DGKG: variants seen among roughly 807,000 people sequenced by gnomAD.
DGKG encodes diacylglycerol kinase gamma, also known as DAG kinase gamma.
Under a neutral mutation model 105.3 loss-of-function variants are expected in DGKG, and 78 were observed. The ratio of observed to expected loss-of-function variants is 0.74; its 90% CI spans 0.62 to 0.89. The LOEUF (loss-of-function observed/expected upper bound fraction) is 0.89, where lower values mean the gene tolerates loss of function less well. DGKG is among the 40% of genes least tolerant of loss of function. The pLI is 0.00. For synonymous variants in DGKG, 346 were observed against 367.1 expected (o/e 0.94, Z 0.66); for missense variants, 958 against 1,020.1 (o/e 0.94, Z 0.83).
intron 22 of DGKG, among the ~76,000 whole-genome samples, chr3:186,175,587 G>A (rs1263383674): frequency 6.6e-6 from 1 of 152,150 alleles, no homozygotes; most frequent in East Asian, 1.9e-4. Context: ...ACAGGAGCCT[G>A]CCTCTAAGAG....
intron 24 of DGKG, among the ~76,000 whole-genome samples, chr3:186,157,593 A>G (rs571349918): frequency 1.3e-5 from 2 of 152,336 alleles, no homozygotes; most frequent in East Asian, 3.9e-4. Flanking sequence ...AAGATCATTT[A>G]GTATGTAATT....
chr3:186,304,166 T>C (rs1724112823), intron 3 of DGKG, among the ~76,000 whole-genome samples: 1 of 152,134 alleles, frequency 6.6e-6, no homozygotes, highest in Non-Finnish European at 1.5e-5. Context: ...ACCAAACTGT[T>C]CCTCTCCCAC....
In DGKG at chr3:186,265,258, G is replaced by T. The variant is rs149256778; in HGVS notation, c.1258C>A (p.Leu420Ile). The T allele has an allele frequency of 2.4e-4, 395 of 1,614,110 alleles. No individual in the cohort carries two copies. The highest frequency in any genetic ancestry group is 3.2e-4 in the Non-Finnish European group (374 of 1,180,038). The change falls in exon 14 of 25, where the codon CTT becomes ATT. Residue 420 changes from leucine to isoleucine, a missense_variant. Leu to Ile is a conservative substitution (Grantham distance 5, BLOSUM62 2). Around this residue, in one of 2 missense-constraint regions of DGKG, gnomAD observed 643 missense variants for 619.5 expected, o/e 1.04. Coordinates refer to ENST00000265022, the MANE Select transcript of DGKG (RefSeq NM_001346.3). The part of the protein sequence containing the change: ...SDGCVSAKGE[L>I]VMQYKIIPTP... ...AGCTCATGAGGTACCTGCATGACAA[G>T]TTCGCCCTTGGCGGACACGCAGCCA...
At chr3:186,158,168 T>A in intron 24 of DGKG, 1 of 709,134 alleles carries the variant, frequency 1.4e-6, no homozygotes, top group South Asian at 6.4e-5. Context: ...CTGTTTTTAG[T>A]TATTTTCTTC....
intron 20 of DGKG, among the ~76,000 whole-genome samples, chr3:186,235,375 C>G (rs758921718): frequency 2.1e-4 from 32 of 152,210 alleles, no homozygotes; most frequent in Non-Finnish European, 4.1e-4. Context: ...CTCTGGCTAC[C>G]TACAGCAGGT....
intron 1 of DGKG, among the ~76,000 whole-genome samples, chr3:186,331,070 C>A (rs1161852141): frequency 6.6e-6 from 1 of 152,202 alleles, no homozygotes; most frequent in African/African-American, 2.4e-5. Context: ...GCTAAAAATA[C>A]CTTCGATGCA....
Position 186,357,088 on chromosome 3 carries a change from T to C in DGKG, c.-249+4858A>G, listed in dbSNP as rs560335244. On this transcript the variant is annotated intron_variant, in intron 1 of 24. Transcript: ENST00000265022. ...GGTGTTGTGTGGGGAGTTGGAGCAG[T>C]TGGGGGAGCTGGAACAGATGATCTT... Among the ~76,000 whole-genome samples the C allele has an allele frequency of 1.1e-4, 17 of 152,188 alleles. No homozygotes were observed. The South Asian group carries it at 2.9e-3, about 26-fold the overall frequency.
At chr3:186,307,796 A>G (rs1032219446) in intron 2 of DGKG, among the ~76,000 whole-genome samples, 1 of 152,080 alleles carries the variant, frequency 6.6e-6, no homozygotes, top group Non-Finnish European at 1.5e-5. Context: ...TAAACCCCAT[A>G]AGGCTCTGTC....
At chr3:186,251,214 A>T (rs1721209616) in intron 19 of DGKG, among the ~76,000 whole-genome samples, 1 of 152,206 alleles carries the variant, frequency 6.6e-6, no homozygotes. Flanking sequence ...GGAGGCTCAC[A>T]GCATTCAGCC....
chr3:186,314,873 T>C (rs1342533436), intron 2 of DGKG, among the ~76,000 whole-genome samples: 1 of 152,208 alleles, frequency 6.6e-6, no homozygotes, highest in African/African-American at 2.4e-5. Flanking sequence ...CAGTTGTTTT[T>C]CCTTTTTTCT....
At chr3:186,228,590 T>C (rs1719971694) in intron 20 of DGKG, among the ~76,000 whole-genome samples, 1 of 152,094 alleles carries the variant, frequency 6.6e-6, no homozygotes, top group Non-Finnish European at 1.5e-5. Flanking sequence ...GCCTTTTCAC[T>C]CCACCCGGGA....
chr3:186,166,722 T>C (rs991973287), intron 22 of DGKG, among the ~76,000 whole-genome samples: 14 of 151,212 alleles, frequency 9.3e-5, no homozygotes, highest in Admixed American at 8.6e-4. Flanking sequence ...GTATAGAGTA[T>C]GTCTAGGGGT....
intron 24 of DGKG, among the ~76,000 whole-genome samples, chr3:186,155,179 GT>G (rs1043257317): frequency 1.1e-4 from 16 of 151,932 alleles, no homozygotes; most frequent in Non-Finnish European, 1.9e-4. Context: ...TTTTATTTTG[GT>G]TTTGTTTTGT....
intron 14 of DGKG, among the ~76,000 whole-genome samples, chr3:186,262,876 C>T (rs893974136): frequency 1.3e-5 from 2 of 152,182 alleles, no homozygotes; most frequent in Non-Finnish European, 2.9e-5. Flanking sequence ...CGCCTATAAT[C>T]CCAACACTTT....
Position 186,149,496 on chromosome 3 carries a change from C to A in DGKG, c.*594G>T, listed in dbSNP as rs769028825. On this transcript the variant is annotated 3_prime_UTR_variant, in exon 25 of 25. Transcript: ENST00000265022. Reference sequence around the variant, plus strand: ...AGAATGGAAATACAGCTTTCCACAGCCTTTCTGCCTCTTCAGCAGGTTCAC... The same window carrying A: ...AGAATGGAAATACAGCTTTCCACAGACTTTCTGCCTCTTCAGCAGGTTCAC... 5 of 985,338 alleles carry A rather than the reference C, an allele frequency of 5.1e-6. No individual in the cohort carries two copies. Among genetic ancestry groups the A allele is most frequent in the African/African-American group, 3.5e-5 (2 of 57,240 alleles). The allele number at this position is 985,338 out of a possible 1,614,324, so 61.0% of individuals were successfully genotyped here. A position where few individuals can be genotyped will look rare whatever the true frequency, so the allele number is the denominator to read the frequency against.
At chr3:186,355,115 A>T (rs1243801541) in intron 1 of DGKG, among the ~76,000 whole-genome samples, 1 of 59,396 alleles carries the variant, frequency 1.7e-5, no homozygotes, top group Non-Finnish European at 3.2e-5. Flanking sequence ...AGCCACTACT[A>T]TCTCCATCAT....
rs753351238 is a variant in DGKG, at chr3:186,211,841, G to A, written c.1871C>T (p.Thr624Ile). 1.2e-6 allele frequency: 2 copies of A among 1,614,214 alleles called. No homozygotes were observed. Among genetic ancestry groups the A allele is most frequent in the Admixed American group, 1.7e-5 (1 of 60,024 alleles). ...GAGTTTCTTGCAGGTCGCTGCAAAA[G>A]TCTCCGAGGTGCCAAATTCAAAGTA... ...LWYFEFGTSE[T>I]FAATCKKLHD... Residue 624 changes from threonine (T) to isoleucine (I), a missense_variant, in exon 21 of 25, where the codon ACT (threonine) becomes ATT (isoleucine). By Grantham distance (89) the Thr-to-Ile change is moderately conservative. This residue lies in a region of DGKG where 315 missense variants were observed against 400.6 expected (regional missense o/e 0.79). Transcript: ENST00000265022.
intron 7 of DGKG, among the ~76,000 whole-genome samples, chr3:186,283,501 A>C (rs1211920711): frequency 6.6e-6 from 1 of 151,856 alleles, no homozygotes; most frequent in East Asian, 1.9e-4. Context: ...TTCCTCGGCG[A>C]CCCTCGCTAA....
chr3:186,188,143 C>A, intron 22 of DGKG, 59 bp downstream of exon 22: 1 of 1,591,368 alleles, frequency 6.3e-7, no homozygotes. Flanking sequence ...CTGACATCCA[C>A]CTGAGGGCAC....
Sources: gnomAD v4.1 joint callset for allele counts (sites outside exome capture counted in the v4.1 genomes callset) on GRCh38, gnomAD v4.1.1 for gene constraint, gnomAD v4.1.1 regional missense constraint, MANE v1.5 for transcripts, NCBI Gene and HGNC (gene_info 2026-07-23, HGNC 2026-07-21) for gene names.